The following VAMP1 variants were observed in gnomAD, a reference collection of about 807,000 sequenced individuals.
VAMP1 encodes the protein vesicle-associated membrane protein 1.
A neutral mutation model predicts 19.1 loss-of-function variants in VAMP1; 16 were observed. The ratio of observed to expected loss-of-function variants is 0.84; its 90% CI spans 0.57 to 1.27. The LOEUF (loss-of-function observed/expected upper bound fraction) is 1.27, where lower values mean the gene tolerates loss of function less well. Ranked by LOEUF, VAMP1 falls within the 50% of genes most tolerant of loss-of-function variation. VAMP1 has a pLI of 0.00. For synonymous variants in VAMP1, 37 were observed against 50.2 expected, an observed-to-expected ratio of 0.74 and a Z score of 1.11; for missense variants, 109 against 145.4, an observed-to-expected ratio of 0.75 and a Z score of 1.29.
Position 6,463,008 on chromosome 12 carries a change from G to A in VAMP1, c.*1462C>T, listed in dbSNP as rs1949921197. The A allele has an allele frequency of 6.5e-7, 1 of 1,549,518 alleles. No homozygotes were observed. The highest frequency in any genetic ancestry group is 1.2e-5 in the South Asian group (1 of 84,048). On this transcript the variant is annotated 3_prime_UTR_variant, in exon 5 of 5. Transcript: ENST00000396308. This position sits in a 1 kb window ranked among gnomAD's most constrained non-coding sequence, Gnocchi z 4.0. ...GAGGGAAGAAGGAATAAAGGGCCAT[G>A]GGCATTCTCCGCTCTGTTCCCAGCC... is the stretch of plus-strand genomic sequence containing the variant.
In VAMP1 at chr12:6,464,104, T is replaced by C. The variant is rs1201592961; in HGVS notation, c.*366A>G. ...TTCTAGAAGTCACCATGGGCACCGATACTCTTCTCCTCCCAAGTCTGGGCA... is the reference window on the plus strand; with the variant it reads ...TTCTAGAAGTCACCATGGGCACCGACACTCTTCTCCTCCCAAGTCTGGGCA... On this transcript the variant is annotated 3_prime_UTR_variant, in exon 5 of 5. Transcript: ENST00000396308. The C allele has an allele frequency of 7.6e-7, 1 of 1,322,744 alleles. No individual in the cohort carries two copies. Among genetic ancestry groups the C allele is most frequent in the Non-Finnish European group, 9.9e-7 (1 of 1,010,558 alleles). The allele number at this position is 1,322,744 out of a possible 1,614,324, so 81.9% of individuals were successfully genotyped here. A position where few individuals can be genotyped will look rare whatever the true frequency, so the allele number is the denominator to read the frequency against.
chr12:6,462,739 G>A lies in VAMP1; in HGVS notation c.*1731C>T. 2 of 1,330,146 alleles carry A rather than the reference G, an allele frequency of 1.5e-6. No individual in the cohort carries two copies. Among genetic ancestry groups the A allele is most frequent in the Non-Finnish European group, 2.1e-6 (2 of 971,690 alleles). The allele number at this position is 1,330,146 out of a possible 1,614,324, so 82.4% of individuals were successfully genotyped here. A position where few individuals can be genotyped will look rare whatever the true frequency, so the allele number is the denominator to read the frequency against. ...ACAGTGGTGGTTCTTCTCCAGCGGT[G>A]ACCCCCTGCATTAGGCAAGGAGGAG... On this transcript the variant is annotated 3_prime_UTR_variant, in exon 5 of 5. Transcript: ENST00000396308.
chr12:6,470,381 G>A, intron 1 of VAMP1, 149 bp downstream of exon 1: 4 of 1,196,090 alleles, frequency 3.3e-6, no homozygotes, highest in African/African-American at 1.5e-5. Flanking sequence ...CCCCTCCCTG[G>A]GGGTGGCCCG....
In VAMP1 at chr12:6,464,160, C is replaced by T; in HGVS notation, c.*310G>A. On this transcript the variant is annotated 3_prime_UTR_variant, in exon 5 of 5. Coordinates refer to ENST00000396308, the MANE Select transcript of VAMP1 (RefSeq NM_014231.5). The stretch of plus-strand genomic sequence containing the variant: ...ATGGGTACTTCGCCTCAGCCACTCC[C>T]CTCCCTGCCCCTTCCCTTGGCCTCC... The T allele has an allele frequency of 7.0e-7, 1 of 1,423,058 alleles. No homozygotes were observed. Among genetic ancestry groups the T allele is most frequent in the Non-Finnish European group, 9.3e-7 (1 of 1,074,536 alleles). 88.2% of individuals were successfully genotyped at this position (1,423,058 alleles called of 1,614,324 possible).
chr12:6,465,671 A>G (rs766380304), intron 3 of VAMP1, among the ~76,000 whole-genome samples, 171 bp downstream of exon 3: 4 of 151,956 alleles, frequency 2.6e-5, no homozygotes, highest in Non-Finnish European at 4.4e-5. Flanking sequence ...CTGGTGGCCA[A>G]TTCTGGGTAA....
At chr12:6,467,612 A>G (rs556990362) in intron 1 of VAMP1, among the ~76,000 whole-genome samples, 1 of 152,382 alleles carries the variant, frequency 6.6e-6, no homozygotes, top group East Asian at 1.9e-4. Context: ...AGCTGCAGAA[A>G]TTTGCATAAG....
Position 6,464,359 on chromosome 12 carries a change from C to T in VAMP1, c.*111G>A. 5 of 1,551,560 alleles carry T rather than the reference C, an allele frequency of 3.2e-6. No homozygotes were observed. The highest frequency in any genetic ancestry group is 2.6e-6 in the Non-Finnish European group (3 of 1,146,948). On this transcript the variant is annotated 3_prime_UTR_variant, in exon 5 of 5. Transcript: ENST00000396308. ...AAAGGAGGAATGGGTGATGGAGAAG[C>T]CTGGGCTGGAATGGAGGACGGTGGG...
rs566258918 is a variant in VAMP1, at chr12:6,462,440, G to A, written c.*2030C>T. ...CTCATGGCAAACCGAAGAACGGGAT[G>A]TGGGAAGCTCAGCTTCATTTGACTG... On this transcript the variant is annotated 3_prime_UTR_variant, in exon 5 of 5. Transcript: ENST00000396308. 8.1e-5 allele frequency: 40 copies of A among 494,264 alleles called. 2 individuals are homozygous for A. In the South Asian group the frequency reaches 1.2e-3, roughly 15 times the overall value. The allele number at this position is 494,264 out of a possible 1,614,324, so 30.6% of individuals were successfully genotyped here.
Position 6,463,325 on chromosome 12 carries a change from C to A in VAMP1, c.*1145G>T, listed in dbSNP as rs1041272254. 33 of 1,185,298 alleles carry A rather than the reference C, an allele frequency of 2.8e-5. No individual in the cohort carries two copies. Among genetic ancestry groups the A allele is most frequent in the East Asian group, 9.9e-5 (2 of 20,152 alleles). The allele number at this position is 1,185,298 out of a possible 1,614,324, so 73.4% of individuals were successfully genotyped here. A position where few individuals can be genotyped will look rare whatever the true frequency, so the allele number is the denominator to read the frequency against. On this transcript the variant is annotated 3_prime_UTR_variant, in exon 5 of 5. Transcript: ENST00000396308. This position sits in a 1 kb window ranked among gnomAD's most constrained non-coding sequence, Gnocchi z 4.0. ...CTGACACAGGCTGGCACGCCTCCCC[C>A]CAAGGTGGGGCTGGTGGGTCTACAT...
At position 6,464,048 on chromosome 12, in the gene VAMP1, C is replaced by A. The variant is rs1003001207; in HGVS notation, c.*422G>T. 7.7e-7 allele frequency: 1 copy of A among 1,297,084 alleles called. No homozygotes were observed. The allele number at this position is 1,297,084 out of a possible 1,614,324, so 80.3% of individuals were successfully genotyped here. ...ACTGAGTGAGCTGCCATCTTCCCAG[C>A]CCCTCCCTAGCTCCTACCAGTGGCC... On this transcript the variant is annotated 3_prime_UTR_variant, in exon 5 of 5. Coordinates refer to ENST00000396308, the MANE Select transcript of VAMP1 (RefSeq NM_014231.5).
chr12:6,463,572 AT>A lies in VAMP1; in HGVS notation c.*897del. On this transcript the variant is annotated 3_prime_UTR_variant, in exon 5 of 5. Transcript: ENST00000396308. This position sits in a 1 kb window ranked among gnomAD's most constrained non-coding sequence, Gnocchi z 4.0. ...CTTCCTCTGAGCTTGTTACTTTCAAATTAAGCACTTGACTCACTGTTTCTCT... is the reference window on the plus strand; with the variant it reads ...CTTCCTCTGAGCTTGTTACTTTCAAATAAGCACTTGACTCACTGTTTCTCT... 1.5e-5 allele frequency: 16 copies of A among 1,056,632 alleles called. No individual in the cohort carries two copies. The highest frequency in any genetic ancestry group is 1.8e-5 in the Non-Finnish European group (16 of 871,956). The allele number at this position is 1,056,632 out of a possible 1,614,324, so 65.5% of individuals were successfully genotyped here. A position where few individuals can be genotyped will look rare whatever the true frequency, so the allele number is the denominator to read the frequency against.
rs746408132 is a variant in VAMP1 at position 6,462,847 on chromosome 12, G to A, written c.*1623C>T. 6.2e-7 allele frequency: 1 copy of A among 1,606,494 alleles called. No homozygotes were observed. Among genetic ancestry groups the A allele is most frequent in the African/African-American group, 1.3e-5 (1 of 74,822 alleles). ...TTCCAGCTCTTCAGTCCCGCCCTTG[G>A]GCAGGACGAAGGGAATGTGGGAAAC... On this transcript the variant is annotated 3_prime_UTR_variant, in exon 5 of 5. Transcript: ENST00000396308.
At chr12:6,467,789 T>G (rs1365118023) in intron 1 of VAMP1, among the ~76,000 whole-genome samples, 2 of 152,234 alleles carry the variant, frequency 1.3e-5, no homozygotes, top group Non-Finnish European at 2.9e-5. Context: ...GCCTAGGGAC[T>G]TAGTGCCCTG....
chr12:6,465,388 A>ATATATATAAATGTATATATATG (rs1949986212), intron 3 of VAMP1: 9 of 75,522 alleles, frequency 1.2e-4, no homozygotes, highest in Admixed American at 2.7e-4. Context: ...ATATATATGT[A>ATATATATAAATGTATATATATG]TATATATATA....
At chr12:6,465,466 A>ACATAT (rs1555130299) in intron 3 of VAMP1, 7 of 103,190 alleles carry the variant, frequency 6.8e-5, no homozygotes, top group African/African-American at 2.8e-4. Context: ...GTGTATATAT[A>ACATAT]GTGTGTGTGT....
At chr12:6,470,266 C>T (rs1285507771) in intron 1 of VAMP1, among the ~76,000 whole-genome samples, 1 of 152,028 alleles carries the variant, frequency 6.6e-6, no homozygotes, top group Admixed American at 6.6e-5. Flanking sequence ...CAGAATGAGG[C>T]GCCACTCAGA....
chr12:6,462,865 T>A lies in VAMP1; in HGVS notation c.*1605A>T. ...GCCCTTGGGCAGGACGAAGGGAATG[T>A]GGGAAACAAGGGCGAAAGGAAAGGA... On this transcript the variant is annotated 3_prime_UTR_variant, in exon 5 of 5. Transcript: ENST00000396308. 1 of 1,604,856 alleles carries A rather than the reference T, an allele frequency of 6.2e-7. No individual in the cohort carries two copies. The highest frequency in any genetic ancestry group is 8.5e-7 in the Non-Finnish European group (1 of 1,175,576).
At position 6,464,874 on chromosome 12, in the gene VAMP1, C is replaced by T. The variant is rs1949966453; in HGVS notation, c.340+16G>A. The T allele has an allele frequency of 3.1e-6, 5 of 1,614,058 alleles. No individual in the cohort carries two copies. Among genetic ancestry groups the T allele is most frequent in the Non-Finnish European group, 4.2e-6 (5 of 1,180,008 alleles). The stretch of plus-strand genomic sequence containing the variant: ...TCCCACCTCTTCACCCCACCAGCAA[C>T]TTCAGCGATACTTACTTACAATAAC... On this transcript the variant is annotated intron_variant, in intron 4 of 4. Transcript: ENST00000396308.
rs1950024896 is a variant in VAMP1, at chr12:6,466,335, GC to G, written c.18del (p.Gln6HisfsTer23). 6.2e-7 allele frequency: 1 copy of G among 1,613,682 alleles called. No individual in the cohort carries two copies. Among genetic ancestry groups the G allele is most frequent in the African/African-American group, 1.3e-5 (1 of 74,918 alleles). On this transcript the variant is annotated frameshift_variant, in exon 2 of 5. Transcript: ENST00000396308. LOFTEE classifies it high-confidence loss of function. Reference sequence around the variant, plus strand: ...GTCCCTTCTGTCCCTTCAGCAGGTGGCTGAGCTGGAGCAGACCTGTGGAAAG... The same window carrying G: ...GTCCCTTCTGTCCCTTCAGCAGGTGGTGAGCTGGAGCAGACCTGTGGAAAG... The part of the protein sequence containing the change: MSAPA[Q>X]PPAEGTEGTA...
Sources: allele counts gnomAD v4.1 joint callset (sites outside exome capture counted in the v4.1 genomes callset), GRCh38; gene constraint gnomAD v4.1.1; non-coding constraint Gnocchi (gnomAD v3.1); transcripts MANE v1.5; gene names NCBI Gene and HGNC (gene_info 2026-07-23, HGNC 2026-07-21).